Variants in DLG2 observed in about 807,000 individuals in gnomAD.
The protein encoded by DLG2 is discs large MAGUK scaffold protein 2, also known as disks large homolog 2.
In DLG2, 45 loss-of-function variants were observed where a neutral mutation model predicts 132.5. That is an observed-to-expected ratio of 0.34 (90% confidence interval 0.27 to 0.44). The LOEUF is 0.44. Among genes scored for constraint, DLG2 ranks in the 20% least tolerant of loss-of-function variants. The pLI is 1.00. For synonymous variants in DLG2, 424 were observed against 419.6 expected (o/e 1.01, Z -0.13); for missense variants, 1,045 against 1,196.9 (o/e 0.87, Z 1.87).
At chr11:85,148,396 C>T (rs949322834) in intron 5 of DLG2, among the ~76,000 whole-genome samples, 1 of 151,894 alleles carries the variant, frequency 6.6e-6, no homozygotes, top group African/African-American at 2.4e-5. Context: ...CCTGTTTCTC[C>T]ACAGCCTCAC....
intron 7 of DLG2, among the ~76,000 whole-genome samples, chr11:84,529,277 C>G (rs901545879): frequency 1.3e-5 from 2 of 152,092 alleles, no homozygotes; most frequent in African/African-American, 2.4e-5. Flanking sequence ...CAACACAGTC[C>G]TGGAAATCCT....
intron 6 of DLG2, among the ~76,000 whole-genome samples, chr11:84,905,544 G>A (rs1227433714): frequency 6.6e-6 from 1 of 152,034 alleles, no homozygotes; most frequent in Non-Finnish European, 1.5e-5. Context: ...ATAACCACAG[G>A]AAATGTATGA....
intron 15 of DLG2, among the ~76,000 whole-genome samples, chr11:83,900,660 A>C (rs1392115863): frequency 6.6e-6 from 1 of 152,234 alleles, no homozygotes; most frequent in Non-Finnish European, 1.5e-5. Context: ...CCTAGATTTC[A>C]GAGGATATAT....
At chr11:83,830,470 C>T (rs2054172759) in intron 17 of DLG2, among the ~76,000 whole-genome samples, 1 of 152,186 alleles carries the variant, frequency 6.6e-6, no homozygotes, top group Non-Finnish European at 1.5e-5. Context: ...CTAATGCCAT[C>T]TCTGTAGCTC....
At chr11:85,021,254 G>T (rs774236578) in intron 6 of DLG2, 12 of 1,287,090 alleles carry the variant, frequency 9.3e-6, no homozygotes, top group Non-Finnish European at 1.2e-5. Flanking sequence ...ATAGGAGGAG[G>T]AGGAGGAGGT....
intron 4 of DLG2, among the ~76,000 whole-genome samples, chr11:85,232,693 G>A (rs2075364394): frequency 6.6e-6 from 1 of 151,782 alleles, no homozygotes; most frequent in South Asian, 2.1e-4. Flanking sequence ...GCATCATTCA[G>A]GAAAAATTGA....
chr11:84,812,387 A>G (rs956378262), intron 6 of DLG2, among the ~76,000 whole-genome samples: 9 of 152,178 alleles, frequency 5.9e-5, no homozygotes, highest in African/African-American at 9.7e-5. Context: ...CTAACTTACA[A>G]TGTAAAAGCA....
chr11:84,055,209 C>T (rs546074814), intron 11 of DLG2, among the ~76,000 whole-genome samples: 46 of 152,028 alleles, frequency 3.0e-4, no homozygotes, highest in African/African-American at 1.1e-3. Flanking sequence ...AACTAAAAAA[C>T]TGAACCTCAT....
chr11:85,500,530 T>A (rs1237830637), intron 3 of DLG2, among the ~76,000 whole-genome samples: 1 of 104,750 alleles, frequency 9.5e-6, no homozygotes, highest in African/African-American at 4.2e-5. Context: ...ACCCTAAAAC[T>A]TAGAGTATAA....
At chr11:83,826,024 C>T (rs997510232) in intron 17 of DLG2, among the ~76,000 whole-genome samples, 1 of 152,220 alleles carries the variant, frequency 6.6e-6, no homozygotes, top group South Asian at 2.1e-4. Context: ...CAGGCAGGGG[C>T]CAGACTCTGC....
intron 11 of DLG2, among the ~76,000 whole-genome samples, chr11:84,003,370 C>A (rs972892914): frequency 1.3e-5 from 2 of 152,126 alleles, no homozygotes. Flanking sequence ...TATAGCAGCA[C>A]CCCACTCCTG....
intron 3 of DLG2, among the ~76,000 whole-genome samples, chr11:85,486,472 T>A (rs911901942): frequency 2.6e-5 from 4 of 152,150 alleles, no homozygotes; most frequent in Non-Finnish European, 4.4e-5. Flanking sequence ...CAAGTCTACT[T>A]GCCTAATCCT....
rs932909274 is a variant in DLG2, at chr11:84,340,905, A to G, written c.520-89614T>C. The stretch of plus-strand genomic sequence containing the variant: ...TGGGAAATAGGGAATGGTTGAGGAT[A>G]TAAGCAGTGGGATCAGCATGATTGA... On this transcript the variant is annotated intron_variant, in intron 7 of 27. Coordinates refer to ENST00000376104, the MANE Select transcript of DLG2 (RefSeq NM_001142699.3). Among the ~76,000 whole-genome samples, 3 of 152,196 alleles carry G rather than the reference A, an allele frequency of 2.0e-5. No homozygotes were observed. In the East Asian group the frequency reaches 5.8e-4, roughly 29 times the overall value.
At chr11:84,939,675 T>G (rs1356284477) in intron 6 of DLG2, among the ~76,000 whole-genome samples, 1 of 152,196 alleles carries the variant, frequency 6.6e-6, no homozygotes, top group Non-Finnish European at 1.5e-5. Flanking sequence ...ACATGTGAAG[T>G]TTGTCTCTCT....
At chr11:85,239,948 C>A (rs1054629591) in intron 4 of DLG2, among the ~76,000 whole-genome samples, 2 of 151,884 alleles carry the variant, frequency 1.3e-5, no homozygotes, top group African/African-American at 4.8e-5. Flanking sequence ...ATAGGATATG[C>A]AAATGTTCAA....
chr11:84,247,794 G>T (rs1040853983), intron 8 of DLG2, among the ~76,000 whole-genome samples: 1 of 152,038 alleles, frequency 6.6e-6, no homozygotes, highest in Non-Finnish European at 1.5e-5. Context: ...ATTGTCATTT[G>T]CATTTGTGCC....
intron 3 of DLG2, among the ~76,000 whole-genome samples, chr11:85,304,946 C>G (rs2079842390): frequency 6.6e-6 from 1 of 152,190 alleles, no homozygotes. Flanking sequence ...AGAACATACG[C>G]TCCATGAGGA....
chr11:84,772,057 G>T (rs2069512332), intron 6 of DLG2, among the ~76,000 whole-genome samples: 1 of 151,888 alleles, frequency 6.6e-6, no homozygotes, highest in African/African-American at 2.4e-5. Context: ...TCAAAGAGTT[G>T]GAGAAAGATC....
intron 22 of DLG2, among the ~76,000 whole-genome samples, chr11:83,481,382 G>A (rs2093091654): frequency 6.9e-6 from 1 of 145,586 alleles, no homozygotes; most frequent in Non-Finnish European, 1.5e-5. Flanking sequence ...TTAATTAAAT[G>A]AAGAACATGT....
Sources: allele counts gnomAD v4.1 joint callset (sites outside exome capture counted in the v4.1 genomes callset), GRCh38; gene constraint gnomAD v4.1.1; transcripts MANE v1.5; gene names NCBI Gene and HGNC (gene_info 2026-07-23, HGNC 2026-07-21).